The following CELF2 variants were observed in gnomAD, a reference collection of about 807,000 sequenced individuals.
CELF2 encodes CUG triplet repeat RNA-binding protein 2.
In CELF2, 8 loss-of-function variants were observed where a neutral mutation model predicts 62.6. The ratio of observed to expected loss-of-function variants is 0.13; its 90% confidence interval spans 0.07 to 0.23. CELF2 has a LOEUF of 0.23. Among genes scored for constraint, CELF2 ranks in the 10% least tolerant of loss-of-function variants. The pLI, the probability that CELF2 is intolerant of heterozygous loss-of-function variation, is 1.00. For synonymous variants in CELF2, 258 were observed against 250.0 expected (o/e 1.03, Z -0.30); for missense variants, 333 against 671.0 (o/e 0.50, Z 5.56).
the CELF2 span, among the ~76,000 whole-genome samples, chr10:10,548,930 T>C: frequency 6.6e-6 from 1 of 152,176 alleles, no homozygotes; most frequent in Non-Finnish European, 1.5e-5. Context: ...ATTAATTCAG[T>C]TATCGGTACC....
chr10:10,703,853 G>A, the CELF2 span, among the ~76,000 whole-genome samples: 9 of 152,184 alleles, frequency 5.9e-5, no homozygotes, highest in African/African-American at 1.7e-4. Context: ...CTTGTTTCTC[G>A]AAGGTACGAT....
chr10:10,546,776 C>CT, the CELF2 span, among the ~76,000 whole-genome samples: 112 of 146,792 alleles, frequency 7.6e-4, 1 homozygote, highest in South Asian at 2.2e-3. Flanking sequence ...CCTGATAGAC[C>CT]TTTTTTTTTT....
At position 11,117,737 on chromosome 10, in the gene CELF2, C is replaced by T. The variant is rs981058586; in HGVS notation, c.75-47749C>T. Among the ~76,000 whole-genome samples, 1 of 152,088 alleles carries T rather than the reference C, an allele frequency of 6.6e-6. No individual in the cohort carries two copies. Among genetic ancestry groups the T allele is most frequent in the Non-Finnish European group, 1.5e-5 (1 of 68,016 alleles). On this transcript the variant is annotated intron_variant, in intron 1 of 12. Coordinates refer to ENST00000633077, the MANE Select transcript of CELF2 (RefSeq NM_001326342.2). The surrounding 1 kb of genome is among the most constrained non-coding windows in gnomAD (Gnocchi z 4.1). Reference sequence around the variant, plus strand: ...ATGTGTGACTCTCCAGAGAGGGTACCCTTGAGTGGCTCTTCCACTGACCCC... The same window carrying T: ...ATGTGTGACTCTCCAGAGAGGGTACTCTTGAGTGGCTCTTCCACTGACCCC...
intron 1 of CELF2, among the ~76,000 whole-genome samples, chr10:10,892,338 T>C (rs1177448765): frequency 6.6e-6 from 1 of 152,120 alleles, no homozygotes; most frequent in Non-Finnish European, 1.5e-5. Context: ...CAGGTTCCAG[T>C]GCTCTACCCT....
chr10:11,175,382 CA>C (rs1014695481), intron 2 of CELF2, among the ~76,000 whole-genome samples: 3 of 150,972 alleles, frequency 2.0e-5, no homozygotes, highest in East Asian at 3.9e-4. Context: ...ATTGTGTTCT[CA>C]AAAAAAAGAG....
chr10:11,013,245 A>G (rs909126544), upstream of CELF2, among the ~76,000 whole-genome samples: 2 of 152,158 alleles, frequency 1.3e-5, no homozygotes, highest in African/African-American at 4.8e-5. This position sits in a 1 kb window ranked among gnomAD's most constrained non-coding sequence, Gnocchi z 4.1. Context: ...TTTGAGAGAG[A>G]GGAGGAGAAA....
In CELF2 at chr10:11,043,765, A is replaced by G. The variant is rs558418988; in HGVS notation, c.74+25602A>G. ...CTTTCTTACGCCCCAGACCGAGTAC[A>G]CATGTTTCCCATCTGGACTGGTCAC... is the stretch of plus-strand genomic sequence containing the variant. On this transcript the variant is annotated intron_variant, in intron 1 of 12. Coordinates refer to ENST00000633077, the MANE Select transcript of CELF2 (RefSeq NM_001326342.2). Among the ~76,000 whole-genome samples the G allele has an allele frequency of 2.0e-5, 3 of 152,206 alleles. No individual in the cohort carries two copies. In the South Asian group the frequency reaches 6.2e-4, roughly 32 times the overall value.
the CELF2 span, among the ~76,000 whole-genome samples, chr10:10,634,878 G>T: frequency 6.6e-6 from 1 of 151,982 alleles, no homozygotes; most frequent in African/African-American, 2.4e-5. Flanking sequence ...CCCCAGGATG[G>T]CCAGAAGTTC....
chr10:10,604,552 T>C, the CELF2 span, among the ~76,000 whole-genome samples: 1 of 152,328 alleles, frequency 6.6e-6, no homozygotes, highest in Non-Finnish European at 1.5e-5. Flanking sequence ...TTGCTCAACA[T>C]GAGTACTTAG....
At chr10:11,014,570 A>T (rs2056967387), upstream of CELF2, among the ~76,000 whole-genome samples, 1 of 152,162 alleles carries the variant, frequency 6.6e-6, no homozygotes, top group Non-Finnish European at 1.5e-5. Context: ...TTCCAATTCA[A>T]GCAGTTTGTA....
chr10:10,540,191 A>T, the CELF2 span, among the ~76,000 whole-genome samples: 1 of 152,226 alleles, frequency 6.6e-6, no homozygotes, highest in Non-Finnish European at 1.5e-5. Flanking sequence ...ACAGTGTCAC[A>T]GTCCCAGTTG....
At chr10:10,666,666 T>G in the CELF2 span, among the ~76,000 whole-genome samples, 1 of 78,478 alleles carries the variant, frequency 1.3e-5, no homozygotes, top group African/African-American at 6.3e-5. Flanking sequence ...ATCGAGACCA[T>G]TCTGGCTAAC....
the CELF2 span, among the ~76,000 whole-genome samples, chr10:10,676,246 T>C: frequency 2.0e-5 from 3 of 152,194 alleles, no homozygotes; most frequent in Non-Finnish European, 4.4e-5. Flanking sequence ...AGTTGAGTTT[T>C]TTCCTTCTCC....
At chr10:10,499,805 G>T in the CELF2 span, among the ~76,000 whole-genome samples, 9 of 152,204 alleles carry the variant, frequency 5.9e-5, no homozygotes, top group Admixed American at 5.9e-4. Flanking sequence ...TTGAACCTGG[G>T]AGATGGAGGT....
chr10:10,993,487 A>G lies in CELF2; in HGVS notation c.89+73488A>G, dbSNP rs975087535. Among the ~76,000 whole-genome samples the G allele has an allele frequency of 1.3e-5, 2 of 152,164 alleles. No individual in the cohort carries two copies. Among genetic ancestry groups the G allele is most frequent in the South Asian group, 2.1e-4 (1 of 4,826 alleles). Reference sequence around the variant, plus strand: ...ACCAAGCATGAGAAAGGCAAGCCTCAGGAATATGGAAGATCCTGGTATAGA... The same window carrying G: ...ACCAAGCATGAGAAAGGCAAGCCTCGGGAATATGGAAGATCCTGGTATAGA... On this transcript the variant is annotated intron_variant, in intron 2 of 13. Transcript: ENST00000636488. This position sits in a 1 kb window ranked among gnomAD's most constrained non-coding sequence, Gnocchi z 5.3.
chr10:11,288,312 G>T, intron 8 of CELF2, 106 bp from the exon 9 acceptor site: 1 of 1,432,424 alleles, frequency 7.0e-7, no homozygotes, highest in Non-Finnish European at 9.5e-7. Context: ...GCACAGGGTC[G>T]TCTGCTCTCA....
At chr10:10,646,385 C>G in the CELF2 span, among the ~76,000 whole-genome samples, 1 of 152,230 alleles carries the variant, frequency 6.6e-6, no homozygotes, top group Non-Finnish European at 1.5e-5. Flanking sequence ...TGATGCTCAT[C>G]CACAAATCTC....
intron 1 of CELF2, among the ~76,000 whole-genome samples, chr10:10,849,051 G>A (rs2059204032): frequency 6.6e-6 from 1 of 151,972 alleles, no homozygotes; most frequent in African/African-American, 2.4e-5. Context: ...TATCCATTTT[G>A]GCTAATTTTC....
the CELF2 span, among the ~76,000 whole-genome samples, chr10:10,770,587 G>A: frequency 1.3e-5 from 2 of 152,072 alleles, no homozygotes; most frequent in Non-Finnish European, 2.9e-5. Flanking sequence ...ATCATAGACT[G>A]TGGCCAGAAA....
Sources: gnomAD v4.1 joint callset for allele counts (sites outside exome capture counted in the v4.1 genomes callset) on GRCh38, gnomAD v4.1.1 for gene constraint, Gnocchi (gnomAD v3.1) non-coding constraint, MANE v1.5 for transcripts, NCBI Gene and HGNC (gene_info 2026-07-23, HGNC 2026-07-21) for gene names.